The following ADGRB3 variants were observed in gnomAD, a reference collection of about 807,000 sequenced individuals.
ADGRB3 encodes adhesion G protein-coupled receptor B3.
A neutral mutation model predicts 193.4 loss-of-function variants in ADGRB3; 37 were observed. That is an observed-to-expected ratio of 0.19 (90% confidence interval 0.15 to 0.25). ADGRB3 has a LOEUF of 0.25. ADGRB3 is among the 10% of genes least tolerant of loss of function. The pLI, the probability that ADGRB3 is intolerant of heterozygous loss-of-function variation, is 1.00. For missense variants in ADGRB3, 1,637 were observed against 1,852.9 expected, an observed-to-expected ratio of 0.88 and a Z score of 2.14; for synonymous variants, 690 against 644.2, an observed-to-expected ratio of 1.07 and a Z score of -1.08.
chr6:69,232,537 T>C, intron 17 of ADGRB3: 1 of 1,535,704 alleles, frequency 6.5e-7, no homozygotes, highest in African/African-American at 1.4e-5. Context: ...GCTTAATGCT[T>C]CTGCCCCAGG....
At chr6:68,772,890 A>ATATATAT (rs1554191366) in intron 3 of ADGRB3, among the ~76,000 whole-genome samples, 8 of 46,096 alleles carry the variant, frequency 1.7e-4, no homozygotes, top group Admixed American at 5.9e-4. Context: ...AACAAAAAAA[A>ATATATAT]AAAAATATAT....
intron 3 of ADGRB3, among the ~76,000 whole-genome samples, chr6:68,673,965 A>G (rs1335750377): frequency 6.6e-6 from 1 of 152,120 alleles, no homozygotes; most frequent in East Asian, 1.9e-4. Flanking sequence ...TAGTAAATTT[A>G]AGGAAATTTA....
At chr6:69,249,153 T>G (rs1390541941) in intron 20 of ADGRB3, among the ~76,000 whole-genome samples, 1 of 152,100 alleles carries the variant, frequency 6.6e-6, no homozygotes, top group Non-Finnish European at 1.5e-5. Flanking sequence ...AATTATTGTA[T>G]TTTTAGTAGA....
At chr6:68,663,667 CTT>C (rs1420006657) in intron 3 of ADGRB3, among the ~76,000 whole-genome samples, 4 of 151,742 alleles carry the variant, frequency 2.6e-5, no homozygotes, top group African/African-American at 9.7e-5. Context: ...TGAATAGAAA[CTT>C]TTGAAGCTTT....
intron 15 of ADGRB3, among the ~76,000 whole-genome samples, chr6:69,055,158 A>G (rs527808639): frequency 6.6e-6 from 1 of 152,334 alleles, no homozygotes; most frequent in African/African-American, 2.4e-5. Context: ...TTGTGTTAAA[A>G]AAACATAAAA....
chr6:69,337,620 A>T (rs370092226), intron 24 of ADGRB3, among the ~76,000 whole-genome samples: 2 of 152,190 alleles, frequency 1.3e-5, no homozygotes, highest in African/African-American at 4.8e-5. Flanking sequence ...TTTGGCAACT[A>T]CATGTGCCCT....
chr6:69,130,341 G>A (rs1773971945), intron 17 of ADGRB3, among the ~76,000 whole-genome samples: 1 of 151,846 alleles, frequency 6.6e-6, no homozygotes, highest in Non-Finnish European at 1.5e-5. Context: ...TAAGTATTCA[G>A]ACTATAGCAG....
At chr6:68,801,080 C>G (rs1767301921) in intron 3 of ADGRB3, among the ~76,000 whole-genome samples, 1 of 152,162 alleles carries the variant, frequency 6.6e-6, no homozygotes. Flanking sequence ...TGTTTGTAGG[C>G]TTAATTAATA....
chr6:69,195,990 T>A (rs1428448435), intron 17 of ADGRB3, among the ~76,000 whole-genome samples: 1 of 152,162 alleles, frequency 6.6e-6, no homozygotes, highest in East Asian at 1.9e-4. Flanking sequence ...AGGACATAAA[T>A]ATCATATCTT....
intron 10 of ADGRB3, among the ~76,000 whole-genome samples, chr6:68,990,456 G>C (rs958873660): frequency 6.6e-6 from 1 of 152,076 alleles, no homozygotes; most frequent in Non-Finnish European, 1.5e-5. Flanking sequence ...GTTAGAGCTG[G>C]TGTTGTCATC....
At chr6:68,688,018 C>G (rs1442855117) in intron 3 of ADGRB3, among the ~76,000 whole-genome samples, 2 of 152,102 alleles carry the variant, frequency 1.3e-5, no homozygotes, top group African/African-American at 4.8e-5. Flanking sequence ...AATGTTATCT[C>G]TATGTGGCCC....
chr6:68,929,680 T>C (rs1178346289), intron 3 of ADGRB3, among the ~76,000 whole-genome samples: 1 of 152,160 alleles, frequency 6.6e-6, no homozygotes, highest in African/African-American at 2.4e-5. Flanking sequence ...TAGGCTCTGA[T>C]TTTAGTAAAA....
In ADGRB3 at chr6:69,089,510, G is replaced by A. The variant is rs566121809; in HGVS notation, c.2480+13472G>A. Reference sequence around the variant, plus strand: ...GGACACTTCTTAGCCTCTATTGTTAGGGTTAAGTAAATTATTGATTCACTA... The same window carrying A: ...GGACACTTCTTAGCCTCTATTGTTAAGGTTAAGTAAATTATTGATTCACTA... On this transcript the variant is annotated intron_variant, in intron 17 of 31. Coordinates refer to ENST00000370598, the MANE Select transcript of ADGRB3 (RefSeq NM_001704.3). Among the ~76,000 whole-genome samples, 12 of 152,186 alleles carry A rather than the reference G, an allele frequency of 7.9e-5. No individual in the cohort carries two copies. The East Asian group carries it at 2.3e-3, about 29-fold the overall frequency.
intron 17 of ADGRB3, among the ~76,000 whole-genome samples, chr6:69,094,946 A>G (rs950255808): frequency 1.3e-5 from 2 of 152,180 alleles, no homozygotes; most frequent in Non-Finnish European, 2.9e-5. Flanking sequence ...TTACATCATA[A>G]CTTTGACTTA....
intron 20 of ADGRB3, among the ~76,000 whole-genome samples, chr6:69,307,996 C>A (rs1022168127): frequency 3.3e-5 from 5 of 151,372 alleles, no homozygotes; most frequent in Non-Finnish European, 7.4e-5. Flanking sequence ...CATGAATATG[C>A]CAGAAAGGCA....
intron 24 of ADGRB3, among the ~76,000 whole-genome samples, chr6:69,334,923 G>T (rs1768814939): frequency 6.6e-6 from 1 of 152,056 alleles, no homozygotes. Flanking sequence ...AAAATATAAT[G>T]TGTATAAAGC....
intron 31 of ADGRB3, among the ~76,000 whole-genome samples, chr6:69,384,428 C>T (rs1006199431): frequency 6.6e-6 from 1 of 152,020 alleles, no homozygotes; most frequent in Non-Finnish European, 1.5e-5. Context: ...ATTACCTACT[C>T]ATTTCGAAAT....
rs181427981 is a variant in ADGRB3, at chr6:68,844,666, T to C, written c.758-85893T>C. 2.5e-4 allele frequency among the ~76,000 whole-genome samples: 38 copies of C among 152,294 alleles called. No homozygotes were observed. The East Asian group carries it at 4.2e-3, about 17-fold the overall frequency. ...GGATATGGAGGAGATATTTGCACTC[T>C]TATGTTTATTGCATTACTCTTCAAA... On this transcript the variant is annotated intron_variant, in intron 3 of 31. Coordinates refer to ENST00000370598, the MANE Select transcript of ADGRB3 (RefSeq NM_001704.3).
intron 20 of ADGRB3, among the ~76,000 whole-genome samples, chr6:69,240,412 A>T (rs1235964273): frequency 6.6e-6 from 1 of 152,028 alleles, no homozygotes; most frequent in South Asian, 2.1e-4. Context: ...TCCTCCACTT[A>T]TTTCCTGTAT....
Sources: allele counts gnomAD v4.1 joint callset (sites outside exome capture counted in the v4.1 genomes callset), GRCh38; gene constraint gnomAD v4.1.1; transcripts MANE v1.5; gene names NCBI Gene and HGNC (gene_info 2026-07-23, HGNC 2026-07-21).